MRPS18A: variants seen among roughly 807,000 people sequenced by gnomAD.
MRPS18A encodes mitochondrial ribosomal protein S18A, also known as large ribosomal subunit protein mL66.
MRPS18A carries 20 observed loss-of-function variants against 22.7 expected under a neutral mutation model. That is an observed-to-expected ratio of 0.88 (90% CI 0.62 to 1.28). The LOEUF (loss-of-function observed/expected upper bound fraction) is 1.28. Among genes scored for constraint, MRPS18A ranks in the 50% most tolerant of loss-of-function variants. The probability of loss-of-function intolerance (pLI) is 0.00; values close to 1 mark genes in which losing one functional copy is unlikely to be tolerated. For synonymous variants in MRPS18A, 106 were observed against 99.1 expected (o/e 1.07, Z -0.41); for missense variants, 294 against 262.6 (o/e 1.12, Z -0.83).
chr6:43,675,896 C>A (rs551811720), intron 3 of MRPS18A, among the ~76,000 whole-genome samples: 14 of 152,068 alleles, frequency 9.2e-5, no homozygotes, highest in Admixed American at 2.6e-4. Flanking sequence ...CTCTGTTGCC[C>A]AGGCTGGAGT....
intron 2 of MRPS18A, 50 bp from the exon 3 acceptor site, chr6:43,678,675 G>C (rs768945207): frequency 3.0e-6 from 4 of 1,337,906 alleles, no homozygotes; most frequent in Non-Finnish European, 3.2e-6. Context: ...CCTGCGTGGA[G>C]CCACATTATC....
At chr6:43,675,818 C>T (rs1774022806) in intron 3 of MRPS18A, among the ~76,000 whole-genome samples, 1 of 152,078 alleles carries the variant, frequency 6.6e-6, no homozygotes, top group Non-Finnish European at 1.5e-5. Flanking sequence ...ATTTTCTGTA[C>T]CCCATTATCA....
chr6:43,672,441 G>C (rs77153023), intron 5 of MRPS18A: 2 of 470,966 alleles, frequency 4.2e-6, no homozygotes, highest in Admixed American at 2.3e-5. Flanking sequence ...GCCTAGGAAG[G>C]TTCCTGTAAA....
intron 1 of MRPS18A, among the ~76,000 whole-genome samples, 198 bp from the exon 2 acceptor site, chr6:43,681,318 G>A (rs1774401000): frequency 6.6e-6 from 1 of 152,228 alleles, no homozygotes; most frequent in South Asian, 2.1e-4. Context: ...CGGGGTGGGG[G>A]CAAGCCCAGG....
intron 3 of MRPS18A, among the ~76,000 whole-genome samples, chr6:43,677,707 A>G (rs1453900159): frequency 2.0e-5 from 3 of 152,086 alleles, no homozygotes; most frequent in Admixed American, 2.0e-4. Flanking sequence ...CAAGTTCACA[A>G]ACGTCTCCAT....
rs1229204960 is a variant in MRPS18A at position 43,671,732 on chromosome 6, C to T, written c.*30G>A. On this transcript the variant is annotated 3_prime_UTR_variant, in exon 6 of 6. Coordinates refer to ENST00000372133, the MANE Select transcript of MRPS18A (RefSeq NM_018135.4). ...GGCCTCCTACTCCCCAGCACAGGTG[C>T]AGGAGGAACTCTGGAAGCACTGCTC... 1 of 1,613,606 alleles carries T rather than the reference C, an allele frequency of 6.2e-7. No homozygotes were observed. The highest frequency in any genetic ancestry group is 1.3e-5 in the African/African-American group (1 of 74,926).
chr6:43,672,412 G>C (rs1427332723), intron 5 of MRPS18A: 1 of 471,278 alleles, frequency 2.1e-6, no homozygotes, highest in Non-Finnish European at 4.4e-6. Context: ...AGGGGTAAGG[G>C]CCCGTGGGCG....
At chr6:43,678,295 C>G (rs1006970815) in intron 3 of MRPS18A, among the ~76,000 whole-genome samples, 5 of 152,140 alleles carry the variant, frequency 3.3e-5, no homozygotes, top group African/African-American at 1.2e-4. Context: ...TATGAAGTGG[C>G]TTGGGAGGAC....
At position 43,673,015 on chromosome 6, in the gene MRPS18A, T is replaced by G; in HGVS notation, c.447-1109A>C. On this transcript the variant is annotated intron_variant, in intron 5 of 5. Coordinates refer to ENST00000372133, the MANE Select transcript of MRPS18A (RefSeq NM_018135.4). This position sits in a 1 kb window ranked among gnomAD's most constrained non-coding sequence, Gnocchi z 4.2. ...TTTTTTTTTTTTTTTTGAGGCGAAG[T>G]CTTGCTCTGTTGCCCAAGCTGGAGT... Among the ~76,000 whole-genome samples the G allele has an allele frequency of 1.4e-5, 2 of 143,556 alleles. No homozygotes were observed. The highest frequency in any genetic ancestry group is 2.6e-5 in the African/African-American group (1 of 38,152). 94.2% of individuals were successfully genotyped at this position (143,556 alleles called of 152,430 possible).
At chr6:43,675,335 G>A in intron 4 of MRPS18A, 64 bp from the exon 5 acceptor site, 1 of 1,572,268 alleles carries the variant, frequency 6.4e-7, no homozygotes, top group Non-Finnish European at 8.7e-7. Context: ...GGGGCCAGAG[G>A]GAAAGCCCAA....
chr6:43,679,308 G>A (rs1774253843), intron 2 of MRPS18A, among the ~76,000 whole-genome samples: 2 of 152,138 alleles, frequency 1.3e-5, no homozygotes, highest in Admixed American at 1.3e-4. Context: ...AGCCCCAAAT[G>A]CCAGGAATAG....
At position 43,687,781 on chromosome 6, in the gene MRPS18A, T is replaced by C; in HGVS notation, c.-2A>G. The C allele has an allele frequency of 6.4e-7, 1 of 1,565,768 alleles. No homozygotes were observed. The highest frequency in any genetic ancestry group is 8.7e-7 in the Non-Finnish European group (1 of 1,154,738). Reference sequence around the variant, plus strand: ...CACCAGAGCCTTGAGGGCCGCCATCTTCAAAAACCTACCCTGACCTCTCGT... The same window carrying C: ...CACCAGAGCCTTGAGGGCCGCCATCCTCAAAAACCTACCCTGACCTCTCGT... On this transcript the variant is annotated 5_prime_UTR_variant, in exon 1 of 6. Transcript: ENST00000372133.
At chr6:43,678,061 C>T (rs139858257) in intron 3 of MRPS18A, among the ~76,000 whole-genome samples, 526 of 152,196 alleles carry the variant, frequency 3.5e-3, no homozygotes, top group Non-Finnish European at 4.2e-3. Flanking sequence ...ACAACCCCGG[C>T]GAGCTGAGTT....
intron 1 of MRPS18A, 55 bp from the exon 2 acceptor site, chr6:43,681,175 T>C (rs1239481953): frequency 3.2e-6 from 5 of 1,561,908 alleles, no homozygotes; most frequent in Non-Finnish European, 8.8e-7. Context: ...GAACAGAGAG[T>C]TTCAAATAAC....
At chr6:43,684,670 C>T (rs141699253) in intron 1 of MRPS18A, among the ~76,000 whole-genome samples, 206 of 152,256 alleles carry the variant, frequency 1.4e-3, no homozygotes, top group African/African-American at 4.5e-3. Context: ...ACTCACTCCT[C>T]TCTCAAAGCT....
At chr6:43,680,865 C>T (rs545135191) in intron 2 of MRPS18A, among the ~76,000 whole-genome samples, 1 of 152,322 alleles carries the variant, frequency 6.6e-6, no homozygotes, top group Admixed American at 6.5e-5. Flanking sequence ...CAAAAGGCCA[C>T]TTTCATCAAA....
rs541880115 is a variant in MRPS18A, at chr6:43,672,017, T to G, written c.447-111A>C. On this transcript the variant is annotated intron_variant, in intron 5 of 5. Coordinates refer to ENST00000372133, the MANE Select transcript of MRPS18A (RefSeq NM_018135.4). ...GGCCACGGTTGGGCAAGCAAATCCT[T>G]TCACCAGTTTCCCTTTCCTGAAGTG... 79 of 1,255,376 alleles carry G rather than the reference T, an allele frequency of 6.3e-5. 1 individual carries two copies. In the Admixed American group the frequency reaches 1.8e-3, roughly 29 times the overall value. The allele number at this position is 1,255,376 out of a possible 1,614,324, so 77.8% of individuals were successfully genotyped here. A position where few individuals can be genotyped will look rare whatever the true frequency, so the allele number is the denominator to read the frequency against.
chr6:43,675,445 A>C, intron 4 of MRPS18A, 49 bp downstream of exon 4: 3 of 1,613,598 alleles, frequency 1.9e-6, no homozygotes, highest in Non-Finnish European at 2.5e-6. Flanking sequence ...CTGGGTGGGG[A>C]GAGAGTGCCT....
rs761485104 is a variant in MRPS18A, at chr6:43,687,747, A to G, written c.33T>C (p.Cys11=). 3.2e-6 allele frequency: 5 copies of G among 1,584,780 alleles called. No homozygotes were observed. Among genetic ancestry groups the G allele is most frequent in the Middle Eastern group, 1.7e-4 (1 of 6,030 alleles). Residue 11 remains cysteine, a synonymous_variant, in exon 1 of 6, where the codon TGT becomes TGC. Coordinates refer to ENST00000372133, the MANE Select transcript of MRPS18A (RefSeq NM_018135.4). ...CTAGTAGCCCACGGAGAAGCCGCCC[A>G]CAGCCGGACACCAGAGCCTTGAGGG... MAALKALVSG[C]GRLLRGLLAG...
Sources: allele counts gnomAD v4.1 joint callset (sites outside exome capture counted in the v4.1 genomes callset), GRCh38; gene constraint gnomAD v4.1.1; non-coding constraint Gnocchi (gnomAD v3.1); transcripts MANE v1.5; gene names NCBI Gene and HGNC (gene_info 2026-07-23, HGNC 2026-07-21).